The following ALK variants were observed in gnomAD, a reference collection of about 807,000 sequenced individuals.
ALK encodes the protein ALK tyrosine kinase receptor.
ALK carries 74 observed loss-of-function variants against 163.1 expected under a neutral mutation model. The ratio of observed to expected loss-of-function variants is 0.45; its 90% CI spans 0.38 to 0.55. The LOEUF (loss-of-function observed/expected upper bound fraction) is 0.55, where lower values mean the gene tolerates loss of function less well. Among genes scored for constraint, ALK ranks in the 20% least tolerant of loss-of-function variants. The pLI, the probability that ALK is intolerant of heterozygous loss-of-function variation, is 0.00. For missense variants in ALK, 2,063 were observed against 2,105.3 expected (o/e 0.98, Z 0.39); for synonymous variants, 960 against 843.2 (o/e 1.14, Z -2.40).
chr2:29,766,374 A>T (rs987211981), intron 1 of ALK, among the ~76,000 whole-genome samples: 1 of 152,166 alleles, frequency 6.6e-6, no homozygotes. Context: ...CTTACACAGC[A>T]TAGCTCCTTT....
chr2:29,433,891 C>T (rs892771043), intron 4 of ALK, among the ~76,000 whole-genome samples: 4 of 152,070 alleles, frequency 2.6e-5, no homozygotes, highest in Non-Finnish European at 4.4e-5. Context: ...AAAGAAATAT[C>T]ACATCCATCC....
chr2:29,602,805 T>C (rs553457413), intron 3 of ALK, among the ~76,000 whole-genome samples: 1 of 152,278 alleles, frequency 6.6e-6, no homozygotes, highest in East Asian at 1.9e-4. Context: ...AAAGCCAAGT[T>C]CTATAAAAAT....
In ALK at chr2:29,481,275, G is replaced by A. The variant is rs116924424; in HGVS notation, c.1154+50640C>T. 8.9e-4 allele frequency among the ~76,000 whole-genome samples: 136 copies of A among 152,164 alleles called. 1 individual carries two copies. The East Asian group carries it at 0.017, about 19-fold the overall frequency. ...CTCTTAGTAAGAAAACAAACTTGAC[G>A]GTAAGAATTCATTAAATTGCCAATA... is the stretch of plus-strand genomic sequence containing the variant. On this transcript the variant is annotated intron_variant, in intron 4 of 28. Transcript: ENST00000389048.
In ALK at chr2:29,251,090, C is replaced by A. The variant is rs200910314; in HGVS notation, c.2204+15G>T. The A allele has an allele frequency of 6.2e-7, 1 of 1,613,292 alleles. No homozygotes were observed. The highest frequency in any genetic ancestry group is 8.5e-7 in the Non-Finnish European group (1 of 1,179,594). On this transcript the variant is annotated intron_variant, in intron 12 of 28. Coordinates refer to ENST00000389048, the MANE Select transcript of ALK (RefSeq NM_004304.5). ...GGGGTGGTCTGCCCCTCCCCTCCCC[C>A]TCTTCCATACGCACCTGTAGGTGTC...
At chr2:29,513,065 C>T (rs1285338522) in intron 4 of ALK, among the ~76,000 whole-genome samples, 1 of 151,530 alleles carries the variant, frequency 6.6e-6, no homozygotes, top group African/African-American at 2.4e-5. Context: ...GTGAAAATGG[C>T]CATACTGCCC....
At position 29,920,479 on chromosome 2, in the gene ALK, G is replaced by T. The variant is rs1284647992; in HGVS notation, c.181C>A (p.Pro61Thr). 1.2e-6 allele frequency: 2 copies of T among 1,613,062 alleles called. No individual in the cohort carries two copies. The highest frequency in any genetic ancestry group is 1.7e-6 in the Non-Finnish European group (2 of 1,179,660). Reference protein sequence around the residue: ...RKSLAVDFVVPSLFRVYARDL... With the variant: ...RKSLAVDFVVTSLFRVYARDL... ...CGGGCGTAGACACGGAAGAGCGAGG[G>T]CACCACGAAGTCAACTGCCAGACTC... The change falls in exon 1 of 29, where the codon CCC becomes ACC. Residue 61 changes from proline to threonine, a missense_variant. Pro to Thr is a conservative substitution (Grantham distance 38). Around this residue, in one of 5 missense-constraint regions of ALK, gnomAD observed 987 missense variants for 939.5 expected, o/e 1.05. Transcript: ENST00000389048.
chr2:29,877,612 A>G (rs1188641524), intron 1 of ALK, among the ~76,000 whole-genome samples: 2 of 152,184 alleles, frequency 1.3e-5, no homozygotes, highest in African/African-American at 4.8e-5. Flanking sequence ...AAGTCAGTTC[A>G]TTGTTTAACT....
intron 4 of ALK, among the ~76,000 whole-genome samples, chr2:29,467,180 C>A (rs1361521253): frequency 6.7e-6 from 1 of 150,018 alleles, no homozygotes; most frequent in Non-Finnish European, 1.5e-5. Context: ...TCATGAGGAC[C>A]AAGAGCCTTG....
At chr2:29,786,054 T>G (rs1434123244) in intron 1 of ALK, among the ~76,000 whole-genome samples, 1 of 152,142 alleles carries the variant, frequency 6.6e-6, no homozygotes, top group African/African-American at 2.4e-5. Flanking sequence ...TCATTTCCAT[T>G]TTCGCCTTCA....
chr2:29,525,703 T>C (rs2148152634), intron 4 of ALK, among the ~76,000 whole-genome samples: 2 of 136,432 alleles, frequency 1.5e-5, no homozygotes, highest in East Asian at 4.5e-4. Context: ...GGCAGGAAAA[T>C]CACTTGAACC....
chr2:29,516,006 G>A (rs1249354741), intron 4 of ALK, among the ~76,000 whole-genome samples: 1 of 152,136 alleles, frequency 6.6e-6, no homozygotes, highest in Non-Finnish European at 1.5e-5. Context: ...GTGGGCTAAG[G>A]TGAGTTCTGG....
chr2:29,385,896 T>C (rs1380404619), intron 4 of ALK, among the ~76,000 whole-genome samples: 2 of 152,208 alleles, frequency 1.3e-5, no homozygotes, highest in African/African-American at 4.8e-5. Context: ...TGTGTACTTA[T>C]CTAAATACGG....
chr2:29,446,439 G>T lies in ALK; in HGVS notation c.1155-62580C>A, dbSNP rs77214524. On this transcript the variant is annotated intron_variant, in intron 4 of 28. Transcript: ENST00000389048. Reference sequence around the variant, plus strand: ...AGGTTTTTGTGAGACTTAAATAAGAGATATAACTGGGATTTGTCAACTACT... The same window carrying T: ...AGGTTTTTGTGAGACTTAAATAAGATATATAACTGGGATTTGTCAACTACT... Among the ~76,000 whole-genome samples the T allele has an allele frequency of 7.7e-3, 1,178 of 152,232 alleles. 13 individuals are homozygous for T. The highest frequency in any genetic ancestry group is 0.027 in the African/African-American group (1,115 of 41,518).
At position 29,831,109 on chromosome 2, in the gene ALK, A is replaced by G. The variant is rs1197315332; in HGVS notation, c.667+88884T>C. Among the ~76,000 whole-genome samples, 7 of 44,282 alleles carry G rather than the reference A, an allele frequency of 1.6e-4. 1 individual carries two copies. Among genetic ancestry groups the G allele is most frequent in the African/African-American group, 7.2e-4 (7 of 9,754 alleles). The allele number at this position is 44,282 out of a possible 152,430, so 29.1% of individuals were successfully genotyped here. On this transcript the variant is annotated intron_variant, in intron 1 of 28. Coordinates refer to ENST00000389048, the MANE Select transcript of ALK (RefSeq NM_004304.5). ...GAGGAGGAGGAGGAGGAGGAGGAGG[A>G]GAAGAAGAAGAAGAAGGGGAAGAAG...
At chr2:29,412,190 AAAGG>A (rs1381041029) in intron 4 of ALK, among the ~76,000 whole-genome samples, 4 of 152,310 alleles carry the variant, frequency 2.6e-5, no homozygotes, top group African/African-American at 9.6e-5. Flanking sequence ...ATCACCAGTA[AAAGG>A]AGGATGTGTG....
chr2:29,548,952 A>G (rs372889696), intron 3 of ALK, among the ~76,000 whole-genome samples: 4 of 152,200 alleles, frequency 2.6e-5, no homozygotes, highest in East Asian at 1.9e-4. Flanking sequence ...GTGTTTCTCA[A>G]CTTGTGGTTT....
chr2:29,501,430 G>A (rs535572299), intron 4 of ALK, among the ~76,000 whole-genome samples: 3 of 152,266 alleles, frequency 2.0e-5, no homozygotes, highest in Admixed American at 6.5e-5. Flanking sequence ...GAAACTCTCC[G>A]ACGCTTCATT....
intron 9 of ALK, among the ~76,000 whole-genome samples, chr2:29,288,970 AT>A (rs66539036): frequency 0.51 from 65,322 of 128,056 alleles, 23,193 homozygotes; most frequent in Non-Finnish European, 0.64. Context: ...AAATAAATAA[AT>A]AAATAAATAA....
intron 4 of ALK, among the ~76,000 whole-genome samples, chr2:29,458,997 T>G (rs1322628853): frequency 1.3e-5 from 2 of 152,170 alleles, no homozygotes; most frequent in Non-Finnish European, 2.9e-5. Flanking sequence ...TATAGGTCAC[T>G]TGGGAAATGT....
Sources: gnomAD v4.1 joint callset for allele counts (sites outside exome capture counted in the v4.1 genomes callset) on GRCh38, gnomAD v4.1.1 for gene constraint, gnomAD v4.1.1 regional missense constraint, MANE v1.5 for transcripts, NCBI Gene and HGNC (gene_info 2026-07-23, HGNC 2026-07-21) for gene names.